The following C3orf18 variants were observed in gnomAD, a reference collection of about 807,000 sequenced individuals.
The protein encoded by C3orf18 is uncharacterized protein C3orf18.
Under a neutral mutation model 14.1 loss-of-function variants are expected in C3orf18, and 12 were observed. That is an observed-to-expected ratio of 0.85 (90% CI 0.55 to 1.38). The LOEUF is 1.38. C3orf18 is among the 40% of genes most tolerant of loss of function. C3orf18 has a pLI of 0.00. For synonymous variants in C3orf18, 82 were observed against 87.9 expected, an observed-to-expected ratio of 0.93 and a Z score of 0.38; for missense variants, 196 against 213.9, an observed-to-expected ratio of 0.92 and a Z score of 0.52.
At position 50,559,172 on chromosome 3, in the gene C3orf18, A is replaced by T; in HGVS notation, c.*485T>A. 7.8e-7 allele frequency: 1 copy of T among 1,289,974 alleles called. No individual in the cohort carries two copies. The highest frequency in any genetic ancestry group is 1.0e-6 in the Non-Finnish European group (1 of 989,036). 79.9% of individuals were successfully genotyped at this position (1,289,974 alleles called of 1,614,324 possible). On this transcript the variant is annotated 3_prime_UTR_variant, in exon 6 of 6. Coordinates refer to ENST00000357203, the MANE Select transcript of C3orf18 (RefSeq NM_016210.5). ...CTCTGGGCTTCTCAGGGCCCATAAC[A>T]GATGCTGCCCTACCCTGTCCCTATA...
At chr3:50,561,147 C>T in intron 4 of C3orf18, 83 bp from the exon 5 acceptor site, 2 of 1,449,700 alleles carry the variant, frequency 1.4e-6, no homozygotes, top group South Asian at 1.3e-5. Context: ...TCCTGACTAG[C>T]TGAGCCACAG....
rs180744704 is a variant in C3orf18 at position 50,561,756 on chromosome 3, G to C, written c.235-9C>G. 8 of 1,613,852 alleles carry C rather than the reference G, an allele frequency of 5.0e-6. No homozygotes were observed. The East Asian group carries it at 1.3e-4, about 27-fold the overall frequency. On this transcript the variant is annotated splice_polypyrimidine_tract_variant and intron_variant, in intron 3 of 5. Transcript: ENST00000357203. ...TTCCTGATGTACAAAACCTGCAAGA[G>C]AAGGAGCAGCATCAAATGGCAAGGA...
chr3:50,561,832 G>A (rs567335053), intron 3 of C3orf18, 85 bp from the exon 4 acceptor site: 2 of 1,429,154 alleles, frequency 1.4e-6, no homozygotes, highest in African/African-American at 2.8e-5. Flanking sequence ...ACATGCTGAG[G>A]CTGATGAACA....
rs1247201445 is a variant in C3orf18 at position 50,559,184 on chromosome 3, A to T, written c.*473T>A. 7.8e-7 allele frequency: 1 copy of T among 1,289,800 alleles called. No homozygotes were observed. The highest frequency in any genetic ancestry group is 1.0e-6 in the Non-Finnish European group (1 of 989,094). 79.9% of individuals were successfully genotyped at this position (1,289,800 alleles called of 1,614,324 possible). ...CAGGGCCCATAACAGATGCTGCCCT[A>T]CCCTGTCCCTATAACTTGGGTGGTT... On this transcript the variant is annotated 3_prime_UTR_variant, in exon 6 of 6. Coordinates refer to ENST00000357203, the MANE Select transcript of C3orf18 (RefSeq NM_016210.5).
At chr3:50,568,989 C>G (rs1700585735), upstream of C3orf18, among the ~76,000 whole-genome samples, 1 of 152,238 alleles carries the variant, frequency 6.6e-6, no homozygotes, top group Non-Finnish European at 1.5e-5. Context: ...GGCCACTGAC[C>G]TCGGTAGGGT....
chr3:50,561,148 T>G (rs1490247757), intron 4 of C3orf18, 84 bp from the exon 5 acceptor site: 4 of 1,442,730 alleles, frequency 2.8e-6, no homozygotes, highest in Non-Finnish European at 3.8e-6. Flanking sequence ...CCTGACTAGC[T>G]GAGCCACAGC....
At chr3:50,570,870 T>C, upstream of C3orf18, 1 of 434,604 alleles carries the variant, frequency 2.3e-6, no homozygotes, top group Non-Finnish European at 4.1e-6. Context: ...AGGCAATGTA[T>C]TGGTAGAAGG....
At chr3:50,567,117 GCTGGGCACAT>G (rs1049240917) in intron 1 of C3orf18, among the ~76,000 whole-genome samples, 2 of 152,164 alleles carry the variant, frequency 1.3e-5, no homozygotes, top group African/African-American at 2.4e-5. Flanking sequence ...CTCCAGCTAG[GCTGGGCACAT>G]CTGGGCACAT....
rs750813008 is a variant in C3orf18, at chr3:50,561,865, TA to T, written c.235-119del. On this transcript the variant is annotated intron_variant, in intron 3 of 5. Coordinates refer to ENST00000357203, the MANE Select transcript of C3orf18 (RefSeq NM_016210.5). ...ACAAGAGACCCGTGGGTCCCCGTCC[TA>T]ATGACACATACACCACTCCCCCTTC... is the stretch of plus-strand genomic sequence containing the variant. 3 of 950,192 alleles carry T rather than the reference TA, an allele frequency of 3.2e-6. No individual in the cohort carries two copies. The Admixed American group carries it at 5.7e-5, about 18-fold the overall frequency. The allele number at this position is 950,192 out of a possible 1,614,324, so 58.9% of individuals were successfully genotyped here.
chr3:50,564,559 G>A (rs914871678), intron 3 of C3orf18, among the ~76,000 whole-genome samples: 2 of 152,118 alleles, frequency 1.3e-5, no homozygotes, highest in African/African-American at 4.8e-5. Flanking sequence ...TTTCCTGCTT[G>A]AGTCCCCAAG....
chr3:50,559,485 T>C lies in C3orf18; in HGVS notation c.*172A>G, dbSNP rs909885568. 22 of 1,427,420 alleles carry C rather than the reference T, an allele frequency of 1.5e-5. No individual in the cohort carries two copies. The East Asian group carries it at 5.2e-4, about 34-fold the overall frequency. 88.4% of individuals were successfully genotyped at this position (1,427,420 alleles called of 1,614,324 possible). On this transcript the variant is annotated 3_prime_UTR_variant, in exon 6 of 6. Transcript: ENST00000357203. ...GAAGTCCAGCCTGGCTAGGGCCCTC[T>C]CTTAGAGTCTAAAGTCAGCAGGTGG...
chr3:50,571,321 GGAGCCAAAACAGTT>G, upstream of C3orf18: 1 of 1,592,556 alleles, frequency 6.3e-7, no homozygotes, highest in South Asian at 1.1e-5. Context: ...TCATGTCCTT[GGAGCCAAAACAGTT>G]AAGTTTAGTG....
At chr3:50,571,773 C>A (rs192219149), upstream of C3orf18, 8 of 1,614,124 alleles carry the variant, frequency 5.0e-6, no homozygotes, top group African/African-American at 1.3e-5. Flanking sequence ...ACAGTGTATC[C>A]GGGAGCTGAG....
intron 3 of C3orf18, among the ~76,000 whole-genome samples, chr3:50,562,980 A>G (rs1236990713): frequency 6.6e-5 from 10 of 152,166 alleles, no homozygotes; most frequent in Non-Finnish European, 1.3e-4. Context: ...GACTTCTGCC[A>G]TCATCCTGCT....
chr3:50,562,862 G>T (rs1700074695), intron 3 of C3orf18, among the ~76,000 whole-genome samples: 1 of 152,204 alleles, frequency 6.6e-6, no homozygotes, highest in African/African-American at 2.4e-5. Context: ...GGCAGCCTGA[G>T]AAAACATCTA....
Position 50,558,998 on chromosome 3 carries a change from A to G in C3orf18, c.*659T>C, listed in dbSNP as rs182336876. 1,048 of 1,289,496 alleles carry G rather than the reference A, an allele frequency of 8.1e-4. 9 individuals are homozygous for G. The African/African-American group carries it at 0.014, about 18-fold the overall frequency. 79.9% of individuals were successfully genotyped at this position (1,289,496 alleles called of 1,614,324 possible). A position where few individuals can be genotyped will look rare whatever the true frequency, so the allele number is the denominator to read the frequency against. On this transcript the variant is annotated 3_prime_UTR_variant, in exon 6 of 6. Coordinates refer to ENST00000357203, the MANE Select transcript of C3orf18 (RefSeq NM_016210.5). ...CCATTCCCCTACTTCCTTCCCCCTCAGCTCCCATCCTAGCTTGGCCCCAGT... is the reference window on the plus strand; with the variant it reads ...CCATTCCCCTACTTCCTTCCCCCTCGGCTCCCATCCTAGCTTGGCCCCAGT...
Position 50,559,677 on chromosome 3 carries a change from C to CCA in C3orf18, c.467_468dup (p.Ala157TrpfsTer17), listed in dbSNP as rs767883879. On this transcript the variant is annotated frameshift_variant, in exon 6 of 6. Transcript: ENST00000357203. LOFTEE classifies it high-confidence loss of function. ...GCCACTCACGCATGGATGGCATTGG[C>CCA]CACATCGGTAAACACCAGCCGGCTG... The CCA allele has an allele frequency of 1.3e-6, 2 of 1,592,484 alleles. No individual in the cohort carries two copies. Among genetic ancestry groups the CCA allele is most frequent in the Admixed American group, 1.7e-5 (1 of 57,230 alleles).
At chr3:50,572,051 C>A, upstream of C3orf18, 1 of 1,605,476 alleles carries the variant, frequency 6.2e-7, no homozygotes, top group Non-Finnish European at 8.5e-7. Context: ...GGTATCTCAA[C>A]CCAGGCATGG....
intron 3 of C3orf18, 124 bp from the exon 4 acceptor site, chr3:50,561,871 C>T (rs1699991759): frequency 2.3e-6 from 2 of 855,652 alleles, no homozygotes; most frequent in Admixed American, 2.0e-5. Flanking sequence ...GTCCTAATGA[C>T]ACATACACCA....
Sources: gnomAD v4.1 joint callset for allele counts (sites outside exome capture counted in the v4.1 genomes callset) on GRCh38, gnomAD v4.1.1 for gene constraint, MANE v1.5 for transcripts, NCBI Gene and HGNC (gene_info 2026-07-23, HGNC 2026-07-21) for gene names.